PPP5C: variants seen among roughly 807,000 people sequenced by gnomAD.
PPP5C encodes serine/threonine-protein phosphatase 5.
A neutral mutation model predicts 66.7 loss-of-function variants in PPP5C; 21 were observed. That is an observed-to-expected ratio of 0.31 (90% CI 0.22 to 0.45). The LOEUF (loss-of-function observed/expected upper bound fraction) is 0.45, where lower values mean the gene tolerates loss of function less well. Among genes scored for constraint, PPP5C ranks in the 20% least tolerant of loss-of-function variants. The pLI, the probability that PPP5C is intolerant of heterozygous loss-of-function variation, is 1.00. For synonymous variants in PPP5C, 246 were observed against 257.4 expected, an observed-to-expected ratio of 0.96 and a Z score of 0.43; for missense variants, 464 against 675.9, an observed-to-expected ratio of 0.69 and a Z score of 3.48.
intron 2 of PPP5C, among the ~76,000 whole-genome samples, chr19:46,355,072 C>T (rs569866156): frequency 2.0e-5 from 3 of 152,370 alleles, no homozygotes; most frequent in Non-Finnish European, 4.4e-5. Flanking sequence ...AGGAAACAGT[C>T]CCTAAGGGGT....
At chr19:46,361,637 T>C (rs1972393860) in intron 2 of PPP5C, among the ~76,000 whole-genome samples, 1 of 146,226 alleles carries the variant, frequency 6.8e-6, no homozygotes, top group Non-Finnish European at 1.5e-5. Flanking sequence ...TGGTGGCATG[T>C]GCCTGTAGTC....
In PPP5C at chr19:46,388,343, G is replaced by A. The variant is rs1972928117; in HGVS notation, c.1136-65G>A. On this transcript the variant is annotated intron_variant, in intron 9 of 12. Transcript: ENST00000012443. This position sits in a 1 kb window ranked among gnomAD's most constrained non-coding sequence, Gnocchi z 4.9. Reference sequence around the variant, plus strand: ...TCAGCACCTGGCCGGGCCAGGAGGTGGCCTGTGAGTGACCACCCCCGGGGA... The same window carrying A: ...TCAGCACCTGGCCGGGCCAGGAGGTAGCCTGTGAGTGACCACCCCCGGGGA... 2.6e-6 allele frequency: 4 copies of A among 1,530,604 alleles called. No homozygotes were observed. The East Asian group carries it at 9.3e-5, about 35-fold the overall frequency. 94.8% of individuals were successfully genotyped at this position (1,530,604 alleles called of 1,614,324 possible).
chr19:46,351,413 C>T (rs1214076025), intron 1 of PPP5C, among the ~76,000 whole-genome samples: 1 of 152,234 alleles, frequency 6.6e-6, no homozygotes, highest in Non-Finnish European at 1.5e-5. Context: ...GTCATTCACG[C>T]ATTCACTTCT....
intron 2 of PPP5C, among the ~76,000 whole-genome samples, chr19:46,361,783 A>C (rs1047096531): frequency 2.6e-4 from 39 of 151,682 alleles, no homozygotes; most frequent in Non-Finnish European, 4.4e-4. Flanking sequence ...AAAAAATACT[A>C]TACCAAAATT....
At chr19:46,365,814 G>A (rs1422708999) in intron 2 of PPP5C, among the ~76,000 whole-genome samples, 2 of 152,162 alleles carry the variant, frequency 1.3e-5, no homozygotes, top group Non-Finnish European at 2.9e-5. Context: ...AGCTTAGTCA[G>A]AAGCAGCTGC....
chr19:46,347,949 A>AC (rs1568562018), intron 1 of PPP5C, among the ~76,000 whole-genome samples: 6 of 151,690 alleles, frequency 4.0e-5, no homozygotes, highest in East Asian at 3.9e-4. Context: ...TGAAAAAAAA[A>AC]AAAACAAAAA....
At chr19:46,387,656 G>A in intron 9 of PPP5C, 4 of 1,504,062 alleles carry the variant, frequency 2.7e-6, no homozygotes, top group Non-Finnish European at 3.6e-6. Flanking sequence ...CGTGACCATG[G>A]TGCGGGGTGA....
intron 2 of PPP5C, among the ~76,000 whole-genome samples, chr19:46,366,867 G>C (rs1350957295): frequency 6.6e-6 from 1 of 152,210 alleles, no homozygotes; most frequent in African/African-American, 2.4e-5. Flanking sequence ...GGATATGACT[G>C]CTGTCCTATT....
At chr19:46,364,725 G>A (rs900972024) in intron 2 of PPP5C, among the ~76,000 whole-genome samples, 1 of 152,034 alleles carries the variant, frequency 6.6e-6, no homozygotes, top group African/African-American at 2.4e-5. Flanking sequence ...TAGGAAGTAG[G>A]TCTCCATTCG....
intron 2 of PPP5C, among the ~76,000 whole-genome samples, chr19:46,370,238 A>G (rs1372569214): frequency 6.6e-6 from 1 of 152,254 alleles, no homozygotes; most frequent in Non-Finnish European, 1.5e-5. Context: ...TAAAACACAC[A>G]TATACACCTG....
At chr19:46,386,263 G>A (rs1176960156) in intron 7 of PPP5C, among the ~76,000 whole-genome samples, 1 of 152,210 alleles carries the variant, frequency 6.6e-6, no homozygotes, top group Non-Finnish European at 1.5e-5. Flanking sequence ...TGGGATGTGA[G>A]GGCCACACAG....
intron 1 of PPP5C, among the ~76,000 whole-genome samples, chr19:46,353,302 T>G (rs1222519945): frequency 4.6e-5 from 7 of 152,130 alleles, no homozygotes; most frequent in African/African-American, 1.7e-4. Flanking sequence ...ACTTAGAACA[T>G]CAGTGTCCAG....
chr19:46,384,482 C>G (rs1438108586), intron 6 of PPP5C: 1 of 326,324 alleles, frequency 3.1e-6, no homozygotes, highest in Non-Finnish European at 5.9e-6. Flanking sequence ...GGCTCCAGGC[C>G]TCTCTGAGGA....
At chr19:46,369,381 C>G (rs901520759) in intron 2 of PPP5C, among the ~76,000 whole-genome samples, 2 of 152,212 alleles carry the variant, frequency 1.3e-5, no homozygotes, top group East Asian at 3.8e-4. Flanking sequence ...ACCTGTAATC[C>G]CAGCACTTTG....
Position 46,347,161 on chromosome 19 carries a change from A to T in PPP5C, c.65A>T (p.Asp22Val). The T allele has an allele frequency of 6.2e-7, 1 of 1,606,248 alleles. No individual in the cohort carries two copies. The highest frequency in any genetic ancestry group is 8.5e-7 in the Non-Finnish European group (1 of 1,176,720). Residue 22 changes from aspartate (D) to valine (V), a missense_variant, in exon 1 of 13, where the codon GAT (aspartate) becomes GTT (valine). By Grantham distance (152) the Asp-to-Val change is radical (BLOSUM62 -3). Around this residue, in one of 2 missense-constraint regions of PPP5C, gnomAD observed 77 missense variants for 49.9 expected, o/e 1.54. Transcript: ENST00000012443. ...AEPPRDEPPA[D>V]GALKRAEELK... ...CCCCCCCGGGACGAACCCCCGGCTG[A>T]TGGAGCTCTGAAGCGGGCAGAGGAG... is the stretch of plus-strand genomic sequence containing the variant.
rs1404058180 is a variant in PPP5C, at chr19:46,388,809, G to A, written c.1355+78G>A. The A allele has an allele frequency of 4.6e-6, 7 of 1,514,128 alleles. No homozygotes were observed. The highest frequency in any genetic ancestry group is 6.3e-6 in the Non-Finnish European group (7 of 1,113,138). 93.8% of individuals were successfully genotyped at this position (1,514,128 alleles called of 1,614,324 possible). A position where few individuals can be genotyped will look rare whatever the true frequency, so the allele number is the denominator to read the frequency against. ...CTTGGTTTTTGTTTTGCCTTTTTATGATGGAACATTTCAAAGACAGGCAAG... is the reference window on the plus strand; with the variant it reads ...CTTGGTTTTTGTTTTGCCTTTTTATAATGGAACATTTCAAAGACAGGCAAG... On this transcript the variant is annotated intron_variant, in intron 11 of 12. Transcript: ENST00000012443. The surrounding 1 kb of genome is among the most constrained non-coding windows in gnomAD (Gnocchi z 4.9).
At chr19:46,377,180 C>T (rs563861011) in intron 4 of PPP5C, among the ~76,000 whole-genome samples, 1 of 152,144 alleles carries the variant, frequency 6.6e-6, no homozygotes, top group Non-Finnish European at 1.5e-5. Flanking sequence ...GTGACTCTTA[C>T]AGGAGTGTGC....
intron 1 of PPP5C, among the ~76,000 whole-genome samples, chr19:46,353,233 C>T (rs573485795): frequency 1.4e-4 from 22 of 152,182 alleles, no homozygotes; most frequent in Non-Finnish European, 3.1e-4. Flanking sequence ...AGCTATAGCT[C>T]ATCTCAAATA....
chr19:46,347,249 G>T, intron 1 of PPP5C, 32 bp downstream of exon 1: 2 of 1,582,638 alleles, frequency 1.3e-6, no homozygotes, highest in Non-Finnish European at 8.6e-7. Context: ...GGTGGACAGT[G>T]GCCCAGGCTG....
Sources: allele counts gnomAD v4.1 joint callset (sites outside exome capture counted in the v4.1 genomes callset), GRCh38; gene constraint gnomAD v4.1.1; regional missense constraint gnomAD v4.1.1; non-coding constraint Gnocchi (gnomAD v3.1); transcripts MANE v1.5; gene names NCBI Gene and HGNC (gene_info 2026-07-23, HGNC 2026-07-21).